THSD4: variants seen among roughly 807,000 people sequenced by gnomAD.
THSD4 encodes the protein thrombospondin type-1 domain-containing protein 4.
A neutral mutation model predicts 119.0 loss-of-function variants in THSD4; 69 were observed. The ratio of observed to expected loss-of-function variants is 0.58; its 90% CI spans 0.48 to 0.71. THSD4 has a LOEUF of 0.71. Among genes scored for constraint, THSD4 ranks in the 30% least tolerant of loss-of-function variants. THSD4 has a pLI of 0.00. For synonymous variants in THSD4, 524 were observed against 540.4 expected (o/e 0.97, Z 0.42); for missense variants, 1,393 against 1,391.1 (o/e 1.00, Z -0.02).
At chr15:71,354,648 T>G (rs1314055184) in intron 6 of THSD4, among the ~76,000 whole-genome samples, 1 of 152,244 alleles carries the variant, frequency 6.6e-6, no homozygotes, top group Non-Finnish European at 1.5e-5. Flanking sequence ...ACATTATTTC[T>G]AGCCCTGCAG....
At chr15:71,411,321 A>C (rs2046684446) in intron 6 of THSD4, among the ~76,000 whole-genome samples, 1 of 152,322 alleles carries the variant, frequency 6.6e-6, no homozygotes, top group South Asian at 2.1e-4. Context: ...TGATAACTTT[A>C]ATGCACTTTT....
At chr15:71,305,913 C>A (rs1292727310) in intron 6 of THSD4, among the ~76,000 whole-genome samples, 1 of 152,158 alleles carries the variant, frequency 6.6e-6, no homozygotes, top group Non-Finnish European at 1.5e-5. Context: ...CTGGAGTTGG[C>A]CAGTCACCAC....
rs900194725 is a variant in THSD4 at position 71,115,903 on chromosome 15, G to A, written c.-80+205G>A. Among the ~76,000 whole-genome samples, 53 of 152,190 alleles carry A rather than the reference G, an allele frequency of 3.5e-4. No homozygotes were observed. The highest frequency in any genetic ancestry group is 1.1e-3 in the African/African-American group (47 of 41,580). On this transcript the variant is annotated intron_variant, in intron 1 of 17. Transcript: ENST00000261862. The surrounding 1 kb of genome is among the most constrained non-coding windows in gnomAD (Gnocchi z 4.4). ...GCGCCTGGTCCGTGCGGACGGCTGC[G>A]CCTCCTTCTCTGGTTCTCTTCCTTG...
intron 7 of THSD4, among the ~76,000 whole-genome samples, chr15:71,556,447 T>C (rs1415074597): frequency 6.6e-6 from 1 of 152,154 alleles, no homozygotes; most frequent in Admixed American, 6.6e-5. Flanking sequence ...TTGCTAATGC[T>C]TAGAAGTCCA....
chr15:71,255,281 G>A (rs1013138812), intron 5 of THSD4, among the ~76,000 whole-genome samples: 1 of 152,056 alleles, frequency 6.6e-6, no homozygotes, highest in African/African-American at 2.4e-5. Context: ...ACAGAGTATA[G>A]CTTGGGTTCA....
At chr15:71,306,027 G>A (rs2045019637) in intron 6 of THSD4, among the ~76,000 whole-genome samples, 1 of 152,120 alleles carries the variant, frequency 6.6e-6, no homozygotes, top group Non-Finnish European at 1.5e-5. Flanking sequence ...TGAGAGACGG[G>A]CCAGGCGCAG....
At chr15:71,556,545 T>C (rs1011899701) in intron 7 of THSD4, among the ~76,000 whole-genome samples, 1 of 151,798 alleles carries the variant, frequency 6.6e-6, no homozygotes, top group Admixed American at 6.6e-5. Flanking sequence ...AGCCCAGGAG[T>C]TCGAGACCAG....
chr15:71,643,113 G>A (rs978009250), intron 7 of THSD4, among the ~76,000 whole-genome samples: 1 of 152,024 alleles, frequency 6.6e-6, no homozygotes, highest in African/African-American at 2.4e-5. Context: ...GGTACTGGGA[G>A]GAGTCAGTGA....
intron 7 of THSD4, among the ~76,000 whole-genome samples, chr15:71,542,552 AC>A (rs1440283541): frequency 6.6e-6 from 1 of 151,918 alleles, no homozygotes; most frequent in African/African-American, 2.4e-5. Flanking sequence ...AAACTCATTA[AC>A]CCCTGTCTAA....
chr15:71,677,528 G>A (rs8041546), intron 8 of THSD4, among the ~76,000 whole-genome samples: 1,531 of 152,228 alleles, frequency 0.01, 32 homozygotes, highest in African/African-American at 0.034. Flanking sequence ...GTCTGACAGC[G>A]CACCTCCCTT....
At chr15:71,101,335 A>T (rs1010730368) in intron 1 of THSD4, among the ~76,000 whole-genome samples, 3 of 152,198 alleles carry the variant, frequency 2.0e-5, no homozygotes, top group African/African-American at 7.2e-5. Flanking sequence ...TAAATATTAG[A>T]TCTTCTCACC....
chr15:71,274,665 A>G lies in THSD4; in HGVS notation c.1015+17950A>G, dbSNP rs548660818. On this transcript the variant is annotated intron_variant, in intron 6 of 17. Transcript: ENST00000261862. ...ATGTTTCTCTCTCTAGCTAAAGAGG[A>G]AGGAGAATGCAGGATGGGGCAAATG... Among the ~76,000 whole-genome samples, 5 of 152,268 alleles carry G rather than the reference A, an allele frequency of 3.3e-5. No individual in the cohort carries two copies. In the South Asian group the frequency reaches 1.0e-3, roughly 32 times the overall value.
chr15:71,236,120 T>C (rs1217557084), intron 4 of THSD4, among the ~76,000 whole-genome samples: 2 of 152,154 alleles, frequency 1.3e-5, no homozygotes, highest in Non-Finnish European at 2.9e-5. Flanking sequence ...TTAGCACAGC[T>C]GAGAGAGGCA....
At chr15:71,567,735 A>C (rs1000309001) in intron 7 of THSD4, among the ~76,000 whole-genome samples, 2 of 152,042 alleles carry the variant, frequency 1.3e-5, no homozygotes, top group African/African-American at 4.8e-5. Context: ...AGCGGTCAAA[A>C]CCAGGGAAGC....
At chr15:71,658,085 T>C (rs571216708) in intron 7 of THSD4, among the ~76,000 whole-genome samples, 1 of 152,328 alleles carries the variant, frequency 6.6e-6, no homozygotes, top group East Asian at 1.9e-4. Flanking sequence ...GGACGGTTCA[T>C]TGTCTCCACT....
intron 6 of THSD4, among the ~76,000 whole-genome samples, chr15:71,395,225 CT>C (rs1254043278): frequency 6.6e-5 from 10 of 152,292 alleles, no homozygotes; most frequent in African/African-American, 2.4e-4. Context: ...TTGAAAGTCA[CT>C]TGTTAGTGGG....
chr15:71,347,442 A>AAC (rs1489370994), intron 6 of THSD4, among the ~76,000 whole-genome samples: 2 of 152,174 alleles, frequency 1.3e-5, no homozygotes, highest in Non-Finnish European at 2.9e-5. Flanking sequence ...ATGGCTGCTG[A>AAC]ACACACACTT....
chr15:71,137,614 C>G (rs560270495), intron 1 of THSD4, among the ~76,000 whole-genome samples: 1 of 152,048 alleles, frequency 6.6e-6, no homozygotes, highest in South Asian at 2.1e-4. Flanking sequence ...GAGTGGTGAC[C>G]CCCAGTTTGA....
intron 7 of THSD4, among the ~76,000 whole-genome samples, chr15:71,434,044 G>C (rs2046974076): frequency 6.6e-6 from 1 of 151,964 alleles, no homozygotes; most frequent in African/African-American, 2.4e-5. Flanking sequence ...GACAGCATAA[G>C]TCTGTCTGAC....
Sources: allele counts gnomAD v4.1 joint callset (sites outside exome capture counted in the v4.1 genomes callset), GRCh38; gene constraint gnomAD v4.1.1; non-coding constraint Gnocchi (gnomAD v3.1); transcripts MANE v1.5; gene names NCBI Gene and HGNC (gene_info 2026-07-23, HGNC 2026-07-21).